The following GPC6 variants were observed in gnomAD, a reference collection of about 807,000 sequenced individuals.
GPC6 encodes the protein glypican 6.
In GPC6, 14 loss-of-function variants were observed where a neutral mutation model predicts 55.2. That is an observed-to-expected ratio of 0.25 (90% CI 0.17 to 0.40). GPC6 has a LOEUF of 0.40. GPC6 is among the 10% of genes least tolerant of loss of function. The pLI is 1.00. For missense variants in GPC6, 641 were observed against 708.5 expected (o/e 0.90, Z 1.08); for synonymous variants, 278 against 259.6 (o/e 1.07, Z -0.68).
intron 1 of GPC6, among the ~76,000 whole-genome samples, chr13:93,304,825 A>G (rs1878801093): frequency 1.3e-5 from 2 of 152,080 alleles, no homozygotes; most frequent in South Asian, 2.1e-4. Context: ...GCTTGATGCT[A>G]TGTTGAGAGT....
intron 4 of GPC6, among the ~76,000 whole-genome samples, chr13:94,166,941 G>A (rs1888388272): frequency 6.6e-6 from 1 of 152,122 alleles, no homozygotes; most frequent in Non-Finnish European, 1.5e-5. Flanking sequence ...TCAGCTTCAA[G>A]TGCTAAATGG....
At chr13:93,316,604 G>T (rs143640714) in intron 1 of GPC6, among the ~76,000 whole-genome samples, 1 of 151,910 alleles carries the variant, frequency 6.6e-6, no homozygotes, top group Non-Finnish European at 1.5e-5. Context: ...CTTTTAAACC[G>T]AATAATTTCT....
chr13:94,266,004 T>C (rs1891790425), intron 4 of GPC6, among the ~76,000 whole-genome samples: 1 of 152,182 alleles, frequency 6.6e-6, no homozygotes, highest in African/African-American at 2.4e-5. Flanking sequence ...AACCAGGACA[T>C]GGATGTTCAG....
chr13:93,785,166 G>A (rs1885782509), intron 2 of GPC6, among the ~76,000 whole-genome samples: 1 of 152,044 alleles, frequency 6.6e-6, no homozygotes, highest in African/African-American at 2.4e-5. Flanking sequence ...GATTCTAGGT[G>A]ACAAATCTGG....
chr13:94,271,408 A>ACACT (rs1892020281), intron 4 of GPC6, among the ~76,000 whole-genome samples: 1 of 146,994 alleles, frequency 6.8e-6, no homozygotes, highest in Admixed American at 6.7e-5. Context: ...ACACACACAC[A>ACACT]CTCCATCATG....
chr13:93,457,682 C>T (rs1878510706), intron 1 of GPC6, among the ~76,000 whole-genome samples: 1 of 152,014 alleles, frequency 6.6e-6, no homozygotes, highest in Non-Finnish European at 1.5e-5. Context: ...ATGTCTTGTA[C>T]TAAAATTTTA....
intron 1 of GPC6, among the ~76,000 whole-genome samples, chr13:93,255,448 A>C (rs1876920560): frequency 6.6e-6 from 1 of 152,170 alleles, no homozygotes. Context: ...CACATTTCAG[A>C]TTTTGTTTTT....
intron 2 of GPC6, among the ~76,000 whole-genome samples, chr13:93,718,307 T>C (rs1371441687): frequency 6.6e-6 from 1 of 151,866 alleles, no homozygotes; most frequent in East Asian, 1.9e-4. Flanking sequence ...GCCATACTAA[T>C]GGACATGAGA....
chr13:93,850,536 C>G (rs1260894199), intron 3 of GPC6, among the ~76,000 whole-genome samples: 1 of 151,920 alleles, frequency 6.6e-6, no homozygotes, highest in African/African-American at 2.4e-5. Context: ...CCATAAACAA[C>G]TAGTTAATAT....
At chr13:93,568,949 G>A (rs1157312299) in intron 2 of GPC6, among the ~76,000 whole-genome samples, 2 of 152,102 alleles carry the variant, frequency 1.3e-5, no homozygotes, top group Admixed American at 6.6e-5. Flanking sequence ...ATAGAGGATT[G>A]GAGAGTTGCA....
At chr13:93,596,042 T>C (rs1877712179) in intron 2 of GPC6, among the ~76,000 whole-genome samples, 1 of 152,168 alleles carries the variant, frequency 6.6e-6, no homozygotes, top group African/African-American at 2.4e-5. Flanking sequence ...ATCCTATTAA[T>C]TGAGGCTGCC....
At chr13:93,505,961 T>C (rs1880697073) in intron 1 of GPC6, among the ~76,000 whole-genome samples, 1 of 152,230 alleles carries the variant, frequency 6.6e-6, no homozygotes, top group African/African-American at 2.4e-5. Context: ...GTTATTCCCA[T>C]TCCTAAGATT....
At position 93,830,818 on chromosome 13, in the gene GPC6, A is replaced by G. The variant is rs371929057; in HGVS notation, c.711+273A>G. 20 of 389,644 alleles carry G rather than the reference A, an allele frequency of 5.1e-5. No individual in the cohort carries two copies. In the East Asian group the frequency reaches 7.7e-4, roughly 15 times the overall value. 24.1% of individuals were successfully genotyped at this position (389,644 alleles called of 1,614,324 possible). A position where few individuals can be genotyped will look rare whatever the true frequency, so the allele number is the denominator to read the frequency against. On this transcript the variant is annotated intron_variant, in intron 3 of 8. Transcript: ENST00000377047. The stretch of plus-strand genomic sequence containing the variant: ...TATAGCAGAGAAGCTTTTAGTACCA[A>G]TGGTGCAAAAGCAGGCACGTTGCAA...
At chr13:93,578,549 T>C (rs1876778524) in intron 2 of GPC6, among the ~76,000 whole-genome samples, 1 of 151,890 alleles carries the variant, frequency 6.6e-6, no homozygotes, top group Non-Finnish European at 1.5e-5. Context: ...TGTCTCTTAT[T>C]TTCATTTTTT....
chr13:93,463,713 A>C (rs1878793430), intron 1 of GPC6, among the ~76,000 whole-genome samples: 1 of 151,822 alleles, frequency 6.6e-6, no homozygotes, highest in African/African-American at 2.4e-5. Context: ...ACGCCTTTTG[A>C]CATATTGTTG....
intron 6 of GPC6, among the ~76,000 whole-genome samples, chr13:94,320,452 T>G (rs1876760540): frequency 6.6e-6 from 1 of 152,210 alleles, no homozygotes; most frequent in Non-Finnish European, 1.5e-5. Flanking sequence ...TGGGTTTTTT[T>G]TGTGTGAGTT....
chr13:93,672,562 CTT>C (rs1369084634), intron 2 of GPC6, among the ~76,000 whole-genome samples: 1 of 151,412 alleles, frequency 6.6e-6, no homozygotes, highest in Non-Finnish European at 1.5e-5. Flanking sequence ...TTATCTACCT[CTT>C]TTGTATGGCA....
intron 1 of GPC6, among the ~76,000 whole-genome samples, chr13:93,294,112 T>G (rs1878402504): frequency 6.6e-6 from 1 of 152,304 alleles, no homozygotes; most frequent in Middle Eastern, 3.4e-3. Context: ...AAACAAGAAA[T>G]AGTGAATTAT....
intron 3 of GPC6, among the ~76,000 whole-genome samples, chr13:93,987,669 A>G (rs1157062346): frequency 6.6e-6 from 1 of 152,222 alleles, no homozygotes; most frequent in African/African-American, 2.4e-5. Flanking sequence ...TTTCAAAGCT[A>G]TTTCTATACA....
Sources: allele counts gnomAD v4.1 joint callset (sites outside exome capture counted in the v4.1 genomes callset), GRCh38; gene constraint gnomAD v4.1.1; transcripts MANE v1.5; gene names NCBI Gene and HGNC (gene_info 2026-07-23, HGNC 2026-07-21).